The following TMTC1 variants were observed in gnomAD, a reference collection of about 807,000 sequenced individuals.
The protein encoded by TMTC1 is transmembrane O-mannosyltransferase targeting cadherins 1, also known as protein O-mannosyl-transferase TMTC1.
Under a neutral mutation model 104.8 loss-of-function variants are expected in TMTC1, and 73 were observed. That is an observed-to-expected ratio of 0.70 (90% CI 0.58 to 0.85). The LOEUF is 0.85. TMTC1 is among the 40% of genes least tolerant of loss of function. The probability of loss-of-function intolerance (pLI) is 0.00; values close to 1 mark genes in which losing one functional copy is unlikely to be tolerated. For missense variants in TMTC1, 1,035 were observed against 1,096.1 expected (o/e 0.94, Z 0.79); for synonymous variants, 434 against 428.7 (o/e 1.01, Z -0.15).
chr12:29,517,715 T>C, intron 13 of TMTC1, 144 bp from the exon 14 acceptor site: 6 of 978,350 alleles, frequency 6.1e-6, no homozygotes, highest in Non-Finnish European at 7.4e-6. Context: ...ACAAGGTTTT[T>C]GGCTTTTTCT....
At chr12:29,564,887 G>A (rs1036980288) in intron 9 of TMTC1, among the ~76,000 whole-genome samples, 3 of 152,148 alleles carry the variant, frequency 2.0e-5, no homozygotes, top group African/African-American at 7.2e-5. Flanking sequence ...GATTTAAACA[G>A]AGGATTATAA....
intron 5 of TMTC1, among the ~76,000 whole-genome samples, chr12:29,711,592 C>A (rs1369438955): frequency 6.6e-5 from 10 of 152,132 alleles, no homozygotes; most frequent in Non-Finnish European, 4.4e-5. Flanking sequence ...GTGAGGAGGA[C>A]TGAACAGTTG....
intron 5 of TMTC1, among the ~76,000 whole-genome samples, chr12:29,643,975 ATATATATAAATATATAATT>A (rs1565734543): frequency 8.0e-5 from 9 of 113,120 alleles, no homozygotes; most frequent in African/African-American, 2.5e-4. Context: ...TTACATATAA[ATATATATAAATATATAATT>A]TATATATAAA....
rs1943627531 is a variant in TMTC1, at chr12:29,502,996, C to T, written c.*3850G>A. ...TTTTACAATGAAAACAGGAAACCCACATTTGCTCTGTTTCGCCTCAGAGTA... is the reference window on the plus strand; with the variant it reads ...TTTTACAATGAAAACAGGAAACCCATATTTGCTCTGTTTCGCCTCAGAGTA... On this transcript the variant is annotated 3_prime_UTR_variant, in exon 18 of 18. Transcript: ENST00000539277. 1 of 152,254 alleles carries T rather than the reference C, an allele frequency of 6.6e-6. No homozygotes were observed. Among genetic ancestry groups the T allele is most frequent in the Non-Finnish European group, 1.5e-5 (1 of 68,054 alleles). 9.4% of individuals were successfully genotyped at this position (152,254 alleles called of 1,614,324 possible). A position where few individuals can be genotyped will look rare whatever the true frequency, so the allele number is the denominator to read the frequency against.
At chr12:29,544,750 G>C (rs755618607) in intron 10 of TMTC1, among the ~76,000 whole-genome samples, 2 of 152,190 alleles carry the variant, frequency 1.3e-5, no homozygotes, top group Admixed American at 1.3e-4. Context: ...CCCAGGTAGG[G>C]ACCTAAAAGG....
intron 7 of TMTC1, among the ~76,000 whole-genome samples, chr12:29,587,950 G>A (rs1021976635): frequency 1.3e-5 from 2 of 152,082 alleles, no homozygotes; most frequent in African/African-American, 4.8e-5. Flanking sequence ...TCCATCTTCT[G>A]TTCTCTGTAT....
At chr12:29,726,160 C>G (rs1034437238) in intron 5 of TMTC1, among the ~76,000 whole-genome samples, 2 of 152,176 alleles carry the variant, frequency 1.3e-5, no homozygotes, top group African/African-American at 4.8e-5. Context: ...GGGGACACCA[C>G]CCTGCGCTGC....
chr12:29,740,347 A>G (rs1942792422), intron 5 of TMTC1, among the ~76,000 whole-genome samples: 1 of 152,158 alleles, frequency 6.6e-6, no homozygotes, highest in Non-Finnish European at 1.5e-5. Flanking sequence ...ATCCACCCTT[A>G]ATCTGGTGGG....
intron 5 of TMTC1, among the ~76,000 whole-genome samples, chr12:29,743,472 G>A (rs1208762514): frequency 6.6e-6 from 1 of 151,596 alleles, no homozygotes; most frequent in Non-Finnish European, 1.5e-5. Context: ...TAAAATTCTG[G>A]TTTTCTTCTG....
chr12:29,587,069 C>CT (rs1487965612), intron 7 of TMTC1, among the ~76,000 whole-genome samples: 2 of 152,046 alleles, frequency 1.3e-5, no homozygotes, highest in Non-Finnish European at 1.5e-5. Flanking sequence ...TGGCCCTGGA[C>CT]TTTTTTTGGT....
rs925731789 is a variant in TMTC1, at chr12:29,623,434, CAAG to C, written c.1128+9710_1128+9712del. On this transcript the variant is annotated intron_variant, in intron 6 of 17. Coordinates refer to ENST00000539277, the MANE Select transcript of TMTC1 (RefSeq NM_001193451.2). ...TCCTGGTTGATGATGAAATAGGAAG[CAAG>C]AAGAAGGTTTTTGGTAAATTGGAGA... Among the ~76,000 whole-genome samples the C allele has an allele frequency of 9.2e-5, 14 of 152,126 alleles. No homozygotes were observed. In the East Asian group the frequency reaches 9.6e-4, roughly 10 times the overall value.
At chr12:29,521,369 C>T (rs299433) in intron 11 of TMTC1, among the ~76,000 whole-genome samples, 108,777 of 151,822 alleles carry the variant, frequency 0.72, 39,226 homozygotes, top group Non-Finnish European at 0.73. Flanking sequence ...CTCTGAGCTG[C>T]TCCCTCCAAC....
intron 5 of TMTC1, among the ~76,000 whole-genome samples, chr12:29,736,459 G>A (rs747062075): frequency 3.3e-5 from 5 of 151,350 alleles, no homozygotes; most frequent in South Asian, 2.1e-4. Flanking sequence ...TTATTTGGTC[G>A]CCCAGGCTGG....
chr12:29,538,361 G>T (rs982767894), intron 10 of TMTC1, among the ~76,000 whole-genome samples: 5 of 151,992 alleles, frequency 3.3e-5, no homozygotes, highest in African/African-American at 9.7e-5. Flanking sequence ...CCACTAATTT[G>T]GCTATTATCT....
At chr12:29,671,509 G>T (rs1348633750) in intron 5 of TMTC1, among the ~76,000 whole-genome samples, 2 of 152,142 alleles carry the variant, frequency 1.3e-5, no homozygotes. Flanking sequence ...AAAATGTATT[G>T]AGTGCATACT....
chr12:29,584,904 G>T (rs1946086975), intron 7 of TMTC1, among the ~76,000 whole-genome samples: 1 of 150,694 alleles, frequency 6.6e-6, no homozygotes, highest in South Asian at 2.1e-4. Flanking sequence ...AAACATACGT[G>T]TGCATGTGTC....
rs190921785 is a variant in TMTC1 at position 29,736,505 on chromosome 12, C to T, written c.938+15161G>A. Among the ~76,000 whole-genome samples the T allele has an allele frequency of 3.3e-5, 5 of 152,106 alleles. No homozygotes were observed. In the East Asian group the frequency reaches 7.8e-4, roughly 24 times the overall value. Reference sequence around the variant, plus strand: ...CGCGATCTGGGCTCACTGCAACCTCCGTCTCCCAGGTTCAAGTGATTCTCC... The same window carrying T: ...CGCGATCTGGGCTCACTGCAACCTCTGTCTCCCAGGTTCAAGTGATTCTCC... On this transcript the variant is annotated intron_variant, in intron 5 of 17. Coordinates refer to ENST00000539277, the MANE Select transcript of TMTC1 (RefSeq NM_001193451.2).
intron 5 of TMTC1, among the ~76,000 whole-genome samples, chr12:29,716,912 G>A (rs1942099224): frequency 6.6e-6 from 1 of 152,108 alleles, no homozygotes; most frequent in Admixed American, 6.5e-5. Flanking sequence ...CTACTTGGGA[G>A]GCTGAGGCAG....
chr12:29,722,876 G>A (rs1269555092), intron 5 of TMTC1, among the ~76,000 whole-genome samples: 1 of 139,124 alleles, frequency 7.2e-6, no homozygotes, highest in Non-Finnish European at 1.5e-5. Flanking sequence ...AGCTGAGATC[G>A]CACCATTGCA....
Sources: allele counts gnomAD v4.1 joint callset (sites outside exome capture counted in the v4.1 genomes callset), GRCh38; gene constraint gnomAD v4.1.1; transcripts MANE v1.5; gene names NCBI Gene and HGNC (gene_info 2026-07-23, HGNC 2026-07-21).